The following XYLT1 variants were observed in gnomAD, a reference collection of about 807,000 sequenced individuals.
XYLT1 encodes xylosyltransferase 1.
XYLT1 carries 36 observed loss-of-function variants against 91.3 expected under a neutral mutation model. The ratio of observed to expected loss-of-function variants is 0.39; its 90% CI spans 0.30 to 0.52. The LOEUF (loss-of-function observed/expected upper bound fraction) is 0.52. Among genes scored for constraint, XYLT1 ranks in the 20% least tolerant of loss-of-function variants. The pLI, the probability that XYLT1 is intolerant of heterozygous loss-of-function variation, is 0.68. For synonymous variants in XYLT1, 588 were observed against 532.0 expected (o/e 1.11, Z -1.45); for missense variants, 1,242 against 1,284.5 (o/e 0.97, Z 0.51).
intron 1 of XYLT1, among the ~76,000 whole-genome samples, chr16:17,448,511 G>A (rs2036622148): frequency 6.6e-6 from 1 of 152,172 alleles, no homozygotes; most frequent in Non-Finnish European, 1.5e-5. Context: ...GAGAAGCTAT[G>A]TGACTGACCG....
intron 2 of XYLT1, among the ~76,000 whole-genome samples, chr16:17,314,334 G>A (rs2034593247): frequency 6.6e-6 from 1 of 152,114 alleles, no homozygotes; most frequent in African/African-American, 2.4e-5. Context: ...CCCTTGGGGT[G>A]CTGCAGAGAG....
chr16:17,247,682 C>T (rs189113971), intron 3 of XYLT1, among the ~76,000 whole-genome samples: 10 of 152,226 alleles, frequency 6.6e-5, no homozygotes, highest in East Asian at 3.9e-4. Context: ...GCAGAGGGGC[C>T]GCAAGTCTTT....
intron 5 of XYLT1, among the ~76,000 whole-genome samples, chr16:17,195,485 C>T (rs1320933613): frequency 4.0e-5 from 6 of 151,834 alleles, no homozygotes; most frequent in South Asian, 4.2e-4. Flanking sequence ...CTTGCTGTGT[C>T]GCCAGGCTGG....
At chr16:17,266,818 A>G (rs1022092570) in intron 2 of XYLT1, among the ~76,000 whole-genome samples, 1 of 152,242 alleles carries the variant, frequency 6.6e-6, no homozygotes, top group African/African-American at 2.4e-5. Context: ...ACAAACAGGG[A>G]GAGGCCTGCA....
rs1966813933 is a variant in XYLT1 at position 17,108,837 on chromosome 16, A to G, written c.2738T>C (p.Met913Thr). ...EGWLDSLVGG[M>T]WTAMDICATG... ...GGCACAGATGTCCATGGCAGTCCACATCCCGCCCACCAACGAGTCCAGCCA... is the reference window on the plus strand; with the variant it reads ...GGCACAGATGTCCATGGCAGTCCACGTCCCGCCCACCAACGAGTCCAGCCA... Residue 913 changes from methionine to threonine, a missense_variant, in exon 12 of 12, where the codon ATG becomes ACG. Physicochemically the swap from Met to Thr is moderately conservative, Grantham distance 81. Around this residue, in one of 3 missense-constraint regions of XYLT1, gnomAD observed 511 missense variants for 497.0 expected, o/e 1.03. Coordinates refer to ENST00000261381, the MANE Select transcript of XYLT1 (RefSeq NM_022166.4). 2 of 1,612,990 alleles carry G rather than the reference A, an allele frequency of 1.2e-6. No individual in the cohort carries two copies. The highest frequency in any genetic ancestry group is 1.7e-6 in the Non-Finnish European group (2 of 1,179,916).
At chr16:17,431,531 T>A (rs1403644274) in intron 1 of XYLT1, among the ~76,000 whole-genome samples, 1 of 152,202 alleles carries the variant, frequency 6.6e-6, no homozygotes, top group East Asian at 1.9e-4. Flanking sequence ...TATTTTCTCA[T>A]CACCAAGGAA....
intron 5 of XYLT1, among the ~76,000 whole-genome samples, chr16:17,189,376 G>C (rs1223319313): frequency 6.6e-6 from 1 of 152,170 alleles, no homozygotes; most frequent in East Asian, 1.9e-4. Context: ...AATATGCTCA[G>C]ATCTACAACC....
At chr16:17,130,268 A>G (rs1278079691) in intron 9 of XYLT1, among the ~76,000 whole-genome samples, 2 of 152,254 alleles carry the variant, frequency 1.3e-5, no homozygotes, top group Non-Finnish European at 2.9e-5. Context: ...TGAGCATTAC[A>G]TGAATGCATA....
chr16:17,435,686 C>G (rs2036448942), intron 1 of XYLT1, among the ~76,000 whole-genome samples: 1 of 152,144 alleles, frequency 6.6e-6, no homozygotes, highest in Non-Finnish European at 1.5e-5. Context: ...ATGTGCCAGG[C>G]TCCAGCAGGT....
rs115735574 is a variant in XYLT1 at position 17,286,672 on chromosome 16, A to T, written c.403-27174T>A. Among the ~76,000 whole-genome samples, 180 of 152,258 alleles carry T rather than the reference A, an allele frequency of 1.2e-3. 1 individual carries two copies. The highest frequency in any genetic ancestry group is 4.3e-3 in the African/African-American group (178 of 41,542). On this transcript the variant is annotated intron_variant, in intron 2 of 11. Coordinates refer to ENST00000261381, the MANE Select transcript of XYLT1 (RefSeq NM_022166.4). Reference sequence around the variant, plus strand: ...AGGTATCATCATCATCCTCATCATCATCATCCTCATCATCATCCCCATCCT... The same window carrying T: ...AGGTATCATCATCATCCTCATCATCTTCATCCTCATCATCATCCCCATCCT...
chr16:17,438,405 T>A (rs1390373712), intron 1 of XYLT1, among the ~76,000 whole-genome samples: 1 of 152,156 alleles, frequency 6.6e-6, no homozygotes, highest in Admixed American at 6.5e-5. Flanking sequence ...GACACTGATG[T>A]CCTCATTGGG....
rs562467468 is a variant in XYLT1, at chr16:17,158,086, G to A, written c.1370+743C>T. On this transcript the variant is annotated intron_variant, in intron 6 of 11. Coordinates refer to ENST00000261381, the MANE Select transcript of XYLT1 (RefSeq NM_022166.4). The stretch of plus-strand genomic sequence containing the variant: ...CTATTGGAATGAGGAATCCCATCAC[G>A]TGATGTCACCTACAGGGGGCGCTCA... Among the ~76,000 whole-genome samples the A allele has an allele frequency of 1.1e-4, 16 of 152,352 alleles. No individual in the cohort carries two copies. The South Asian group carries it at 2.5e-3, about 24-fold the overall frequency.
intron 2 of XYLT1, among the ~76,000 whole-genome samples, chr16:17,267,498 C>T (rs1596457488): frequency 6.6e-6 from 1 of 152,238 alleles, no homozygotes; most frequent in Admixed American, 6.5e-5. Context: ...GCTCCGCCTC[C>T]CGGGTTCACG....
At chr16:17,411,651 C>A (rs1028639884) in intron 1 of XYLT1, among the ~76,000 whole-genome samples, 2 of 152,154 alleles carry the variant, frequency 1.3e-5, no homozygotes, top group South Asian at 4.1e-4. Flanking sequence ...GGTCACTGAT[C>A]AAGAGGGTGA....
intron 1 of XYLT1, among the ~76,000 whole-genome samples, chr16:17,374,602 C>T (rs983613105): frequency 1.3e-5 from 2 of 149,984 alleles, no homozygotes; most frequent in Non-Finnish European, 3.0e-5. Flanking sequence ...ACTACCATGC[C>T]GTACTAATTA....
At chr16:17,327,116 T>G (rs1173138442) in intron 2 of XYLT1, among the ~76,000 whole-genome samples, 1 of 152,222 alleles carries the variant, frequency 6.6e-6, no homozygotes, top group African/African-American at 2.4e-5. Context: ...TTCATTCATT[T>G]GTGTAATGTC....
At chr16:17,140,935 G>A (rs986780506) in intron 7 of XYLT1, among the ~76,000 whole-genome samples, 3 of 152,200 alleles carry the variant, frequency 2.0e-5, no homozygotes, top group Non-Finnish European at 4.4e-5. Context: ...AAGACACTGT[G>A]TGGACTGCCG....
At chr16:17,358,181 G>A in intron 1 of XYLT1, 131 bp from the exon 2 acceptor site, 1 of 899,828 alleles carries the variant, frequency 1.1e-6, no homozygotes. Context: ...CCAGGCTGGA[G>A]AGCAGTGGCA....
At chr16:17,385,538 C>T (rs12918539) in intron 1 of XYLT1, among the ~76,000 whole-genome samples, 45,835 of 151,680 alleles carry the variant, frequency 0.3, 7,595 homozygotes, top group Non-Finnish European at 0.37. Context: ...ACACAATACA[C>T]GGTATTCTGT....
Sources: gnomAD v4.1 joint callset for allele counts (sites outside exome capture counted in the v4.1 genomes callset) on GRCh38, gnomAD v4.1.1 for gene constraint, gnomAD v4.1.1 regional missense constraint, MANE v1.5 for transcripts, NCBI Gene and HGNC (gene_info 2026-07-23, HGNC 2026-07-21) for gene names.